The following PNLIPRP3 variants were observed in gnomAD, a reference collection of about 807,000 sequenced individuals.
The protein encoded by PNLIPRP3 is pancreatic lipase-related protein 3.
PNLIPRP3 carries 58 observed loss-of-function variants against 52.8 expected under a neutral mutation model. That is an observed-to-expected ratio of 1.10 (90% CI 0.89 to 1.37). PNLIPRP3 has a LOEUF of 1.37. Among genes scored for constraint, PNLIPRP3 ranks in the 40% most tolerant of loss-of-function variants. The pLI, the probability that PNLIPRP3 is intolerant of heterozygous loss-of-function variation, is 0.00. For missense variants in PNLIPRP3, 593 were observed against 561.6 expected (o/e 1.06, Z -0.57); for synonymous variants, 192 against 185.0 (o/e 1.04, Z -0.31).
chr10:116,461,409 C>A, intron 7 of PNLIPRP3, 119 bp downstream of exon 7: 1 of 1,245,932 alleles, frequency 8.0e-7, no homozygotes, highest in Non-Finnish European at 1.1e-6. Flanking sequence ...TCTCAAAACA[C>A]AGTTGCATAT....
intron 5 of PNLIPRP3, among the ~76,000 whole-genome samples, chr10:116,458,991 A>G (rs2133141412): frequency 6.6e-6 from 1 of 152,094 alleles, no homozygotes; most frequent in Non-Finnish European, 1.5e-5. Context: ...CTTTTTGTGG[A>G]ACTCTATCAG....
intron 2 of PNLIPRP3, 22 bp downstream of exon 2, chr10:116,436,887 A>G: frequency 6.4e-7 from 1 of 1,552,544 alleles, no homozygotes; most frequent in Non-Finnish European, 8.7e-7. Flanking sequence ...TGCAGCCTTC[A>G]CACATGGATT....
At chr10:116,450,995 G>A (rs1302992123) in intron 4 of PNLIPRP3, among the ~76,000 whole-genome samples, 2 of 151,888 alleles carry the variant, frequency 1.3e-5, no homozygotes, top group East Asian at 3.9e-4. Context: ...AAACAATCTC[G>A]AGAAAGAAGA....
intron 1 of PNLIPRP3, among the ~76,000 whole-genome samples, chr10:116,430,066 C>T (rs1204285080): frequency 6.6e-6 from 1 of 152,130 alleles, no homozygotes; most frequent in East Asian, 1.9e-4. Context: ...TTGTGCCTTA[C>T]CCCTCAGTAG....
intron 10 of PNLIPRP3, among the ~76,000 whole-genome samples, chr10:116,476,116 C>T (rs1326775296): frequency 1.3e-5 from 2 of 152,142 alleles, no homozygotes; most frequent in Non-Finnish European, 2.9e-5. Flanking sequence ...TGGCACCTCT[C>T]TCTGCTCTAT....
chr10:116,444,702 A>T (rs1052274958), intron 4 of PNLIPRP3, among the ~76,000 whole-genome samples, 189 bp downstream of exon 4: 1 of 152,172 alleles, frequency 6.6e-6, no homozygotes, highest in African/African-American at 2.4e-5. Flanking sequence ...TGGTTATTTG[A>T]AGCACCACTA....
chr10:116,444,489 G>A lies in PNLIPRP3; in HGVS notation c.432G>A (p.Val144=). The A allele has an allele frequency of 4.3e-6, 7 of 1,613,120 alleles. No individual in the cohort carries two copies. The highest frequency in any genetic ancestry group is 5.9e-6 in the Non-Finnish European group (7 of 1,179,460). ...ATCTCCGTGTTGTTGGTGCTGAGGT[G>A]GCTTATTTTATTGATGTTCTCATGG... is the stretch of plus-strand genomic sequence containing the variant. ...VNNLRVVGAE[V]AYFIDVLMKK... Residue 144 remains valine, a synonymous_variant, in exon 4 of 12, where the codon GTG becomes GTA. Transcript: ENST00000369230.
intron 4 of PNLIPRP3, among the ~76,000 whole-genome samples, chr10:116,449,511 T>C (rs1288135799): frequency 1.3e-5 from 2 of 152,108 alleles, no homozygotes; most frequent in African/African-American, 2.4e-5. Flanking sequence ...TATATAATGA[T>C]AAAAGAATCA....
chr10:116,428,005 C>T lies in PNLIPRP3; in HGVS notation c.-8C>T. On this transcript the variant is annotated 5_prime_UTR_variant, in exon 1 of 12. Coordinates refer to ENST00000369230, the MANE Select transcript of PNLIPRP3 (RefSeq NM_001011709.3). The stretch of plus-strand genomic sequence containing the variant: ...AAGATTTTTATGTGATTTAAAAAAT[C>T]AGCTTAGATGCTTGGAATTTGGATT... The T allele has an allele frequency of 3.1e-6, 5 of 1,604,998 alleles. No individual in the cohort carries two copies.
In PNLIPRP3 at chr10:116,443,118, C is replaced by T. The variant is rs954954313; in HGVS notation, c.268C>T (p.Arg90Cys). The change falls in exon 3 of 12, where the codon CGT (arginine) becomes TGT (cysteine). Residue 90 changes from arginine (R) to cysteine (C), a missense_variant. Transcript: ENST00000369230. ...ATATTTTGGAACAGACAAGATCACC[C>T]GTATCAACATAGCTGGATGGAAAAC... Reference protein sequence around the residue: ...ASYFGTDKITRINIAGWKTDG... With the variant: ...ASYFGTDKITCINIAGWKTDG... The T allele has an allele frequency of 1.2e-5, 19 of 1,611,496 alleles. No homozygotes were observed. Among genetic ancestry groups the T allele is most frequent in the African/African-American group, 8.0e-5 (6 of 74,760 alleles).
chr10:116,467,383 C>A (rs1000025801), intron 8 of PNLIPRP3, among the ~76,000 whole-genome samples: 6 of 151,936 alleles, frequency 3.9e-5, no homozygotes, highest in Non-Finnish European at 1.5e-5. Flanking sequence ...GACTGGGTGA[C>A]AAATTGAGAC....
intron 8 of PNLIPRP3, among the ~76,000 whole-genome samples, chr10:116,467,754 T>C (rs1846303303): frequency 6.6e-6 from 1 of 152,162 alleles, no homozygotes; most frequent in Admixed American, 6.5e-5. Context: ...AATGTATTTA[T>C]TTTATAGGAA....
chr10:116,461,316 C>T (rs1319618505), intron 7 of PNLIPRP3, 26 bp downstream of exon 7: 5 of 1,603,100 alleles, frequency 3.1e-6, no homozygotes, highest in Admixed American at 3.3e-5. Context: ...ACTATGAATG[C>T]TACTGATGCA....
chr10:116,443,708 C>T (rs151141897), intron 3 of PNLIPRP3, among the ~76,000 whole-genome samples: 6,622 of 133,080 alleles, frequency 0.05, 430 homozygotes, highest in African/African-American at 0.14. Flanking sequence ...ATTCTCACTC[C>T]GTGAGATAGG....
Position 116,461,209 on chromosome 10 carries a change from C to G in PNLIPRP3, c.727C>G (p.Pro243Ala). ...IDACGHLDFY[P>A]NGGKHMPGCE... ...TGCTTGTGGTCATCTTGACTTTTAC[C>G]CAAATGGAGGGAAGCACATGCCAGG... is the stretch of plus-strand genomic sequence containing the variant. Residue 243 changes from proline to alanine, a missense_variant, in exon 7 of 12, where the codon CCA becomes GCA. Coordinates refer to ENST00000369230, the MANE Select transcript of PNLIPRP3 (RefSeq NM_001011709.3). 1.9e-6 allele frequency: 3 copies of G among 1,613,902 alleles called. No homozygotes were observed. Among genetic ancestry groups the G allele is most frequent in the Non-Finnish European group, 2.5e-6 (3 of 1,179,928 alleles).
At chr10:116,432,160 T>G (rs903486889) in intron 1 of PNLIPRP3, among the ~76,000 whole-genome samples, 1 of 152,222 alleles carries the variant, frequency 6.6e-6, no homozygotes. Context: ...TGAATTCCAG[T>G]GCTAATAGCA....
intron 2 of PNLIPRP3, among the ~76,000 whole-genome samples, chr10:116,441,433 G>GTCCT (rs1845856512): frequency 1.3e-5 from 2 of 152,172 alleles, no homozygotes; most frequent in African/African-American, 4.8e-5. Context: ...AGGTTTTTCA[G>GTCCT]ATGTAGAAAT....
At chr10:116,475,605 A>T (rs559738481) in intron 10 of PNLIPRP3, among the ~76,000 whole-genome samples, 1 of 152,214 alleles carries the variant, frequency 6.6e-6, no homozygotes, top group Non-Finnish European at 1.5e-5. Context: ...CTAGTAATAT[A>T]ATAAGACAGA....
chr10:116,462,885 T>C lies in PNLIPRP3; in HGVS notation c.808+1595T>C, dbSNP rs547827412. On this transcript the variant is annotated intron_variant, in intron 7 of 11. Coordinates refer to ENST00000369230, the MANE Select transcript of PNLIPRP3 (RefSeq NM_001011709.3). ...CATTTTAAGATTTCCTATAACTTTA[T>C]TGGATTAAAAGAACATTTATCATTC... Among the ~76,000 whole-genome samples the C allele has an allele frequency of 5.9e-5, 9 of 152,308 alleles. No individual in the cohort carries two copies. In the East Asian group the frequency reaches 7.7e-4, roughly 13 times the overall value.
Sources: allele counts gnomAD v4.1 joint callset (sites outside exome capture counted in the v4.1 genomes callset), GRCh38; gene constraint gnomAD v4.1.1; transcripts MANE v1.5; gene names NCBI Gene and HGNC (gene_info 2026-07-23, HGNC 2026-07-21).